The following MDGA2 variants were observed in gnomAD, a reference collection of about 807,000 sequenced individuals.
The protein encoded by MDGA2 is MAM domain containing glycosylphosphatidylinositol anchor 2.
MDGA2 carries 40 observed loss-of-function variants against 117.8 expected under a neutral mutation model. The observed-to-expected ratio is 0.34, with a 90% confidence interval of 0.26 to 0.44. The LOEUF (loss-of-function observed/expected upper bound fraction) is 0.44. Among genes scored for constraint, MDGA2 ranks in the 20% least tolerant of loss-of-function variants. The pLI is 1.00. For missense variants in MDGA2, 1,123 were observed against 1,250.6 expected (o/e 0.90, Z 1.54); for synonymous variants, 452 against 439.0 (o/e 1.03, Z -0.37).
At chr14:47,369,050 TA>T (rs1891289626) in intron 1 of MDGA2, among the ~76,000 whole-genome samples, 1 of 152,130 alleles carries the variant, frequency 6.6e-6, no homozygotes, top group Non-Finnish European at 1.5e-5. Flanking sequence ...TAATGAATAA[TA>T]ACATTATTAG....
chr14:47,406,731 A>C (rs1409196877), intron 1 of MDGA2, among the ~76,000 whole-genome samples: 1 of 152,012 alleles, frequency 6.6e-6, no homozygotes, highest in African/African-American at 2.4e-5. Flanking sequence ...GTTGAACATA[A>C]TATTTATTCT....
intron 1 of MDGA2, among the ~76,000 whole-genome samples, chr14:47,324,349 T>G (rs927218829): frequency 6.6e-6 from 1 of 152,182 alleles, no homozygotes; most frequent in Admixed American, 6.5e-5. Context: ...ACATTGGTGT[T>G]ACCCATGAGC....
chr14:47,221,619 C>G (rs1259072956), intron 2 of MDGA2, among the ~76,000 whole-genome samples: 1 of 145,670 alleles, frequency 6.9e-6, no homozygotes, highest in Non-Finnish European at 1.5e-5. Flanking sequence ...ACCCAGGAGG[C>G]AGAGCTTGCA....
At chr14:47,206,803 C>T (rs1262453114) in intron 3 of MDGA2, among the ~76,000 whole-genome samples, 3 of 151,762 alleles carry the variant, frequency 2.0e-5, no homozygotes, top group South Asian at 2.1e-4. Context: ...GTGAGAGGAT[C>T]ACTTGAGCCC....
At chr14:47,534,291 C>T (rs1046760658) in intron 1 of MDGA2, among the ~76,000 whole-genome samples, 3 of 152,098 alleles carry the variant, frequency 2.0e-5, no homozygotes, top group Non-Finnish European at 4.4e-5. Context: ...AATAAAAGAT[C>T]AAGTAACAAT....
chr14:47,145,070 G>C (rs1331749063), intron 3 of MDGA2, among the ~76,000 whole-genome samples: 1 of 152,090 alleles, frequency 6.6e-6, no homozygotes, highest in South Asian at 2.1e-4. Context: ...AGGACTAAAT[G>C]TTATCTCAAA....
At chr14:47,122,441 G>A (rs1441881169) in intron 5 of MDGA2, among the ~76,000 whole-genome samples, 1 of 152,104 alleles carries the variant, frequency 6.6e-6, no homozygotes, top group African/African-American at 2.4e-5. Flanking sequence ...TTCCCAGGAT[G>A]TGGGACTTCC....
At chr14:47,002,552 AC>A (rs1488754732) in intron 8 of MDGA2, among the ~76,000 whole-genome samples, 1 of 151,894 alleles carries the variant, frequency 6.6e-6, no homozygotes, top group African/African-American at 2.4e-5. Context: ...ATATGGCAAA[AC>A]CCTGTCTCTA....
chr14:46,933,163 T>C (rs1248471017), intron 9 of MDGA2, among the ~76,000 whole-genome samples: 1 of 152,036 alleles, frequency 6.6e-6, no homozygotes, highest in Non-Finnish European at 1.5e-5. Context: ...ACCTGATATA[T>C]TTCCCATTGT....
intron 14 of MDGA2, among the ~76,000 whole-genome samples, chr14:46,862,954 T>G (rs1406362314): frequency 6.6e-6 from 1 of 152,076 alleles, no homozygotes; most frequent in African/African-American, 2.4e-5. Flanking sequence ...TTACCATTCC[T>G]TCTGGTGCAC....
chr14:47,670,751 A>G (rs778135157), intron 1 of MDGA2, among the ~76,000 whole-genome samples: 5 of 152,170 alleles, frequency 3.3e-5, no homozygotes, highest in Non-Finnish European at 5.9e-5. Context: ...ACTTTTTGTT[A>G]TCCAGTGATG....
In MDGA2 at chr14:47,218,050, G is replaced by A. The variant is rs1462832940; in HGVS notation, c.566C>T (p.Ala189Val). The A allele has an allele frequency of 1.2e-5, 19 of 1,549,186 alleles. No homozygotes were observed. Among genetic ancestry groups the A allele is most frequent in the Non-Finnish European group, 1.6e-5 (18 of 1,145,612 alleles). The change falls in exon 3 of 17, where the codon GCG becomes GTG. Residue 189 changes from alanine to valine, a missense_variant. Ala to Val is a moderately conservative substitution (Grantham distance 64, BLOSUM62 0). This residue lies in a region of MDGA2 where 890 missense variants were observed against 1,050.3 expected (regional missense o/e 0.85). Transcript: ENST00000399232. ...CKAENGLGSP[A>V]IKSIRVDVYY... ...TACATCCACTCTGATTGACTTTATCGCTGGAGACCCCAAGCCATTCTCTGC... is the reference window on the plus strand; with the variant it reads ...TACATCCACTCTGATTGACTTTATCACTGGAGACCCCAAGCCATTCTCTGC...
chr14:46,908,052 T>C (rs1260681992), intron 10 of MDGA2, among the ~76,000 whole-genome samples: 1 of 152,090 alleles, frequency 6.6e-6, no homozygotes, highest in African/African-American at 2.4e-5. Flanking sequence ...ACAATAACCC[T>C]CACACATATC....
At chr14:47,516,884 T>C (rs969948804) in intron 1 of MDGA2, among the ~76,000 whole-genome samples, 1 of 152,182 alleles carries the variant, frequency 6.6e-6, no homozygotes, top group Non-Finnish European at 1.5e-5. Context: ...AGACTTCTAA[T>C]TCAAGGGTAA....
intron 1 of MDGA2, among the ~76,000 whole-genome samples, chr14:47,434,393 A>G (rs1280809633): frequency 7.2e-5 from 11 of 152,122 alleles, no homozygotes; most frequent in Non-Finnish European, 1.6e-4. Flanking sequence ...ATCTCATAGA[A>G]CTAGGATAAT....
At chr14:47,137,211 A>C (rs1217757991) in intron 4 of MDGA2, among the ~76,000 whole-genome samples, 1 of 152,208 alleles carries the variant, frequency 6.6e-6, no homozygotes, top group Non-Finnish European at 1.5e-5. Flanking sequence ...TATTCTTTAA[A>C]GACCTACAAG....
At chr14:47,004,312 T>C (rs1433575346) in intron 8 of MDGA2, among the ~76,000 whole-genome samples, 16 of 151,844 alleles carry the variant, frequency 1.1e-4, no homozygotes, top group South Asian at 2.1e-4. Context: ...CCAACTGTTA[T>C]TGTATAATTT....
intron 8 of MDGA2, among the ~76,000 whole-genome samples, chr14:47,031,227 T>C (rs777776086): frequency 0.16 from 22,030 of 138,442 alleles, 1,668 homozygotes; most frequent in Admixed American, 0.24. Flanking sequence ...TATATATATA[T>C]ATACACACAC....
At chr14:47,444,980 T>C (rs1299312917) in intron 1 of MDGA2, among the ~76,000 whole-genome samples, 1 of 152,160 alleles carries the variant, frequency 6.6e-6, no homozygotes, top group Non-Finnish European at 1.5e-5. Context: ...ATGATGCATT[T>C]GAGAAAATTA....
Sources: allele counts gnomAD v4.1 joint callset (sites outside exome capture counted in the v4.1 genomes callset), GRCh38; gene constraint gnomAD v4.1.1; regional missense constraint gnomAD v4.1.1; transcripts MANE v1.5; gene names NCBI Gene and HGNC (gene_info 2026-07-23, HGNC 2026-07-21).